RGS17: variants seen among roughly 807,000 people sequenced by gnomAD.
The protein encoded by RGS17 is regulator of G protein signaling 17, also known as regulator of G-protein signaling 17.
Under a neutral mutation model 25.5 loss-of-function variants are expected in RGS17, and 12 were observed. The observed-to-expected ratio is 0.47, with a 90% CI of 0.30 to 0.76. The LOEUF (loss-of-function observed/expected upper bound fraction) is 0.76. Among genes scored for constraint, RGS17 ranks in the 30% least tolerant of loss-of-function variants. The probability of loss-of-function intolerance (pLI) is 0.07; values close to 1 mark genes in which losing one functional copy is unlikely to be tolerated. For synonymous variants in RGS17, 71 were observed against 76.9 expected, an observed-to-expected ratio of 0.92 and a Z score of 0.40; for missense variants, 196 against 242.2, an observed-to-expected ratio of 0.81 and a Z score of 1.27.
At position 153,006,569 on chromosome 6, in the gene RGS17, CAT is replaced by C. The variant is rs900258032; in HGVS notation, c.*5003_*5004del. 84 of 152,650 alleles carry C rather than the reference CAT, an allele frequency of 5.5e-4. No individual in the cohort carries two copies. The highest frequency in any genetic ancestry group is 1.9e-3 in the African/African-American group (79 of 41,542). The allele number at this position is 152,650 out of a possible 1,614,324, so 9.5% of individuals were successfully genotyped here. A position where few individuals can be genotyped will look rare whatever the true frequency, so the allele number is the denominator to read the frequency against. On this transcript the variant is annotated 3_prime_UTR_variant, in exon 5 of 5. Transcript: ENST00000206262. The stretch of plus-strand genomic sequence containing the variant: ...ACTGATATAGTGTTCCATCTTAAAA[CAT>C]GATTGTATGTTTTGATGAGTAGCTA...
rs1562314101 is a variant in RGS17 at position 153,024,467 on chromosome 6, G to A, written c.239C>T (p.Ser80Phe). 6.8e-6 allele frequency: 11 copies of A among 1,614,118 alleles called. No homozygotes were observed. Among genetic ancestry groups the A allele is most frequent in the Non-Finnish European group, 9.3e-6 (11 of 1,179,974 alleles). The change falls in exon 4 of 5, where the codon TCC (serine) becomes TTC (phenylalanine). Residue 80 changes from serine (S) to phenylalanine (F), a missense_variant. Around this residue, in one of 2 missense-constraint regions of RGS17, gnomAD observed 179 missense variants for 197.6 expected, o/e 0.91. Coordinates refer to ENST00000206262, the MANE Select transcript of RGS17 (RefSeq NM_012419.5). Reference sequence around the variant, plus strand: ...CATCTTGTCAAAATTTTGAGACCAGGACAAGACTTCCTCTGCAGTGGGGTT... The same window carrying A: ...CATCTTGTCAAAATTTTGAGACCAGAACAAGACTTCCTCTGCAGTGGGGTT... ...CQNPTAEEVLSWSQNFDKMMK... is the reference protein window; with the variant it reads ...CQNPTAEEVLFWSQNFDKMMK...
chr6:153,113,535 A>G (rs1388692376), intron 1 of RGS17, among the ~76,000 whole-genome samples: 2 of 152,232 alleles, frequency 1.3e-5, no homozygotes, highest in African/African-American at 4.8e-5. Flanking sequence ...ACAGAAAATT[A>G]ACAAGGATAT....
At chr6:153,083,676 G>C (rs1777013360) in intron 1 of RGS17, among the ~76,000 whole-genome samples, 1 of 152,160 alleles carries the variant, frequency 6.6e-6, no homozygotes, top group Admixed American at 6.5e-5. Flanking sequence ...TTGGATCTTG[G>C]AATTGAAATG....
intron 2 of RGS17, among the ~76,000 whole-genome samples, chr6:153,031,419 T>G (rs1451755090): frequency 6.6e-6 from 1 of 152,234 alleles, no homozygotes; most frequent in African/African-American, 2.4e-5. Flanking sequence ...AAATAGAGAC[T>G]TCTCCTTTGT....
chr6:153,012,934 G>C (rs151031684), intron 4 of RGS17, among the ~76,000 whole-genome samples: 32 of 152,166 alleles, frequency 2.1e-4, no homozygotes, highest in Non-Finnish European at 4.1e-4. Context: ...AACAGACCAC[G>C]TGGATTTGGG....
intron 4 of RGS17, chr6:153,023,249 C>A: frequency 3.2e-6 from 1 of 308,416 alleles, no homozygotes; most frequent in Non-Finnish European, 6.8e-6. Context: ...GGAGGAGGAA[C>A]AGATGACTGT....
intron 1 of RGS17, among the ~76,000 whole-genome samples, chr6:153,052,069 A>G (rs973386505): frequency 2.0e-5 from 3 of 152,294 alleles, no homozygotes; most frequent in Admixed American, 6.5e-5. Flanking sequence ...GCTTCATCCT[A>G]TGTTGCAAAG....
At chr6:153,046,123 T>G (rs116938957) in intron 1 of RGS17, among the ~76,000 whole-genome samples, 2,470 of 152,242 alleles carry the variant, frequency 0.016, 30 homozygotes, top group Middle Eastern at 0.037. Context: ...CTCACTCATA[T>G]GTAGAAGTTT....
At chr6:153,027,561 C>T (rs1779315852) in intron 2 of RGS17, among the ~76,000 whole-genome samples, 1 of 152,140 alleles carries the variant, frequency 6.6e-6, no homozygotes, top group Non-Finnish European at 1.5e-5. Context: ...CACTTACTTA[C>T]TCAAAATAAG....
At chr6:153,013,370 G>A (rs1779153374) in intron 4 of RGS17, among the ~76,000 whole-genome samples, 1 of 152,108 alleles carries the variant, frequency 6.6e-6, no homozygotes, top group Non-Finnish European at 1.5e-5. Flanking sequence ...CTGTTCCACT[G>A]ACCTGCTATT....
chr6:153,073,829 G>C (rs1017762391), intron 1 of RGS17, among the ~76,000 whole-genome samples: 4 of 152,160 alleles, frequency 2.6e-5, no homozygotes, highest in African/African-American at 9.7e-5. Flanking sequence ...CTGGGACAGA[G>C]GAGGAAAGGG....
At chr6:153,124,615 A>C (rs537661163) in intron 1 of RGS17, among the ~76,000 whole-genome samples, 68 of 152,320 alleles carry the variant, frequency 4.5e-4, no homozygotes, top group African/African-American at 1.5e-3. Flanking sequence ...AGTTTTACAG[A>C]TAATGATACT....
chr6:153,055,457 G>A (rs1272012723), intron 1 of RGS17, among the ~76,000 whole-genome samples: 1 of 152,146 alleles, frequency 6.6e-6, no homozygotes, highest in Non-Finnish European at 1.5e-5. Flanking sequence ...TAGAGGAAGA[G>A]TGTCAAAAAC....
At chr6:153,046,432 T>C (rs1356810086) in intron 1 of RGS17, among the ~76,000 whole-genome samples, 2 of 152,030 alleles carry the variant, frequency 1.3e-5, no homozygotes, top group African/African-American at 2.4e-5. Flanking sequence ...AGTGACCTTA[T>C]CACTCTACAT....
rs1491093042 is a variant in RGS17, at chr6:153,054,088, T to TG, written c.-25-10046_-25-10045insC. Reference sequence around the variant, plus strand: ...TATACATATATATATACACACAATATTTTTTATATATATATATATATATAT... The same window carrying TG: ...TATACATATATATATACACACAATATGTTTTTATATATATATATATATATAT... On this transcript the variant is annotated intron_variant, in intron 1 of 4. Coordinates refer to ENST00000206262, the MANE Select transcript of RGS17 (RefSeq NM_012419.5). 1.2e-3 allele frequency among the ~76,000 whole-genome samples: 11 copies of TG among 8,952 alleles called. 1 individual carries two copies. The highest frequency in any genetic ancestry group is 4.7e-3 in the Admixed American group (2 of 424). 5.9% of individuals were successfully genotyped at this position (8,952 alleles called of 152,430 possible). A position where few individuals can be genotyped will look rare whatever the true frequency, so the allele number is the denominator to read the frequency against.
intron 1 of RGS17, among the ~76,000 whole-genome samples, chr6:153,090,662 T>A (rs1053967637): frequency 7.9e-5 from 12 of 152,054 alleles, no homozygotes; most frequent in Admixed American, 1.3e-4. Flanking sequence ...AAATAAACAA[T>A]GCATAAGATT....
intron 1 of RGS17, among the ~76,000 whole-genome samples, chr6:153,123,548 T>C (rs1460663849): frequency 6.6e-6 from 1 of 152,212 alleles, no homozygotes; most frequent in Admixed American, 6.5e-5. Context: ...CTGCTAGATT[T>C]AGAAATTGCC....
Position 153,007,898 on chromosome 6 carries a change from T to G in RGS17, c.*3676A>C, listed in dbSNP as rs1779093716. ...GAGCCACTGTGCCTGGCCAAGAAAT[T>G]TTAGGTGGTTTTCAAATACGTTTTA... On this transcript the variant is annotated 3_prime_UTR_variant, in exon 5 of 5. Coordinates refer to ENST00000206262, the MANE Select transcript of RGS17 (RefSeq NM_012419.5). The G allele has an allele frequency of 6.6e-6, 1 of 152,156 alleles. No individual in the cohort carries two copies. Among genetic ancestry groups the G allele is most frequent in the Non-Finnish European group, 1.5e-5 (1 of 68,024 alleles). The allele number at this position is 152,156 out of a possible 1,614,324, so 9.4% of individuals were successfully genotyped here.
At chr6:153,123,975 CTGA>C (rs1468787528) in intron 1 of RGS17, among the ~76,000 whole-genome samples, 1 of 152,134 alleles carries the variant, frequency 6.6e-6, no homozygotes, top group Non-Finnish European at 1.5e-5. Flanking sequence ...TGTTGTTGTT[CTGA>C]TACTATGGTG....
Sources: gnomAD v4.1 joint callset for allele counts (sites outside exome capture counted in the v4.1 genomes callset) on GRCh38, gnomAD v4.1.1 for gene constraint, gnomAD v4.1.1 regional missense constraint, MANE v1.5 for transcripts, NCBI Gene and HGNC (gene_info 2026-07-23, HGNC 2026-07-21) for gene names.